ASIC2: variants seen among roughly 807,000 people sequenced by gnomAD.
ASIC2 encodes acid sensing ion channel subunit 2.
Under a neutral mutation model 57.3 loss-of-function variants are expected in ASIC2, and 25 were observed. The observed-to-expected ratio is 0.44, with a 90% CI of 0.32 to 0.61. The LOEUF (loss-of-function observed/expected upper bound fraction) is 0.61. Ranked by LOEUF, ASIC2 falls within the 20% of genes least tolerant of loss-of-function variation. ASIC2 has a pLI of 0.06. For synonymous variants in ASIC2, 319 were observed against 307.5 expected (o/e 1.04, Z -0.39); for missense variants, 641 against 738.1 (o/e 0.87, Z 1.52).
intron 8 of ASIC2, among the ~76,000 whole-genome samples, chr17:33,016,840 C>T (rs1356234352): frequency 6.6e-6 from 1 of 152,122 alleles, no homozygotes. Context: ...CAGGGGCACA[C>T]ATTGGAGGTG....
At chr17:33,839,040 C>T (rs1034742919) in intron 1 of ASIC2, among the ~76,000 whole-genome samples, 10 of 152,196 alleles carry the variant, frequency 6.6e-5, no homozygotes, top group African/African-American at 2.4e-4. Context: ...AGTGCATGCA[C>T]CACACTTTAA....
chr17:33,706,776 T>G (rs1908875205), intron 1 of ASIC2, among the ~76,000 whole-genome samples: 1 of 152,210 alleles, frequency 6.6e-6, no homozygotes, highest in African/African-American at 2.4e-5. Flanking sequence ...TGATTTTCAT[T>G]CTGCCCCCAC....
At chr17:34,046,395 T>C (rs1376706522) in intron 1 of ASIC2, among the ~76,000 whole-genome samples, 7 of 152,304 alleles carry the variant, frequency 4.6e-5, no homozygotes, top group Non-Finnish European at 8.8e-5. Context: ...GAGCTTTGGG[T>C]TGTGCAATAG....
intron 1 of ASIC2, among the ~76,000 whole-genome samples, chr17:33,956,831 T>G (rs1904749591): frequency 6.6e-6 from 1 of 152,246 alleles, no homozygotes; most frequent in South Asian, 2.1e-4. Context: ...CCCAGCTAGA[T>G]GAGCCTGCTC....
intron 1 of ASIC2, among the ~76,000 whole-genome samples, chr17:33,463,623 C>A (rs910813854): frequency 6.6e-6 from 1 of 152,214 alleles, no homozygotes; most frequent in African/African-American, 2.4e-5. Flanking sequence ...AGCCCCAGCC[C>A]TTATGGACCA....
chr17:33,801,932 G>A (rs1220216960), intron 1 of ASIC2, among the ~76,000 whole-genome samples: 1 of 152,166 alleles, frequency 6.6e-6, no homozygotes, highest in East Asian at 1.9e-4. Flanking sequence ...CTGGACGAGA[G>A]GGAGGTATGG....
intron 1 of ASIC2, among the ~76,000 whole-genome samples, chr17:33,474,536 C>T (rs2141921912): frequency 6.6e-6 from 1 of 152,310 alleles, no homozygotes; most frequent in East Asian, 1.9e-4. Context: ...CGGAAGAGAA[C>T]TGATCTTGGA....
chr17:34,024,488 C>T (rs986473324), intron 1 of ASIC2, among the ~76,000 whole-genome samples: 7 of 152,238 alleles, frequency 4.6e-5, no homozygotes, highest in South Asian at 2.1e-4. Context: ...TGGTCACTGT[C>T]GATAGCATTA....
At chr17:33,898,002 T>C (rs982912180) in intron 1 of ASIC2, among the ~76,000 whole-genome samples, 5 of 152,180 alleles carry the variant, frequency 3.3e-5, no homozygotes, top group Non-Finnish European at 5.9e-5. Context: ...GCCAGCAATA[T>C]GTCCTGGGTG....
chr17:33,207,839 C>T (rs894170714), intron 1 of ASIC2, among the ~76,000 whole-genome samples: 2 of 152,204 alleles, frequency 1.3e-5, no homozygotes, highest in Non-Finnish European at 2.9e-5. Flanking sequence ...GCATGCTCCA[C>T]CCTGGCTCCT....
At position 33,333,421 on chromosome 17, in the gene ASIC2, A is replaced by C. The variant is rs192682442; in HGVS notation, c.556-221354T>G. ...GCACCCATTCAAAATAACATCAGAG[A>C]GTTATCATAAAGAGAACTTCTTATG... On this transcript the variant is annotated intron_variant, in intron 1 of 9. Transcript: ENST00000359872. Among the ~76,000 whole-genome samples, 35 of 152,346 alleles carry C rather than the reference A, an allele frequency of 2.3e-4. No homozygotes were observed. The East Asian group carries it at 6.7e-3, about 29-fold the overall frequency.
intron 1 of ASIC2, among the ~76,000 whole-genome samples, chr17:33,233,770 T>C (rs898498389): frequency 6.6e-6 from 1 of 151,952 alleles, no homozygotes; most frequent in Non-Finnish European, 1.5e-5. Context: ...AATCCCTCGT[T>C]CTACAGAAAA....
At chr17:33,416,833 A>G (rs1995524) in intron 1 of ASIC2, among the ~76,000 whole-genome samples, 34,632 of 152,144 alleles carry the variant, frequency 0.23, 4,535 homozygotes, top group East Asian at 0.66. Flanking sequence ...AGGAAGCTCC[A>G]TGGCCCGCTC....
chr17:33,168,229 C>A (rs1256251996), intron 1 of ASIC2, among the ~76,000 whole-genome samples: 2 of 152,190 alleles, frequency 1.3e-5, no homozygotes, highest in Non-Finnish European at 2.9e-5. Flanking sequence ...ATAAATTATG[C>A]AGTCTGTGGC....
chr17:33,066,408 GA>G (rs1179822008), intron 3 of ASIC2, among the ~76,000 whole-genome samples: 1 of 152,200 alleles, frequency 6.6e-6, no homozygotes, highest in African/African-American at 2.4e-5. Flanking sequence ...TTATTCAGCA[GA>G]TGTTTAGTAG....
intron 1 of ASIC2, among the ~76,000 whole-genome samples, chr17:33,925,397 G>A (rs1489774688): frequency 6.6e-6 from 1 of 152,250 alleles, no homozygotes; most frequent in African/African-American, 2.4e-5. Context: ...TGACCATTGA[G>A]TCCCTGCTTC....
intron 1 of ASIC2, among the ~76,000 whole-genome samples, chr17:33,737,753 T>G (rs1008455383): frequency 6.6e-6 from 1 of 151,698 alleles, no homozygotes; most frequent in African/African-American, 2.4e-5. Context: ...TCCACCTGCA[T>G]ATAATATCCA....
chr17:33,117,060 C>T (rs1270868284), intron 1 of ASIC2, among the ~76,000 whole-genome samples: 1 of 152,090 alleles, frequency 6.6e-6, no homozygotes, highest in East Asian at 1.9e-4. Flanking sequence ...CACTATGTTG[C>T]CCAGGATGGT....
intron 1 of ASIC2, among the ~76,000 whole-genome samples, chr17:33,565,247 A>G (rs1916197608): frequency 6.6e-6 from 1 of 151,880 alleles, no homozygotes; most frequent in Admixed American, 6.6e-5. Context: ...GAGCCATCCA[A>G]CTCTGTCGGC....
Sources: allele counts gnomAD v4.1 joint callset (sites outside exome capture counted in the v4.1 genomes callset), GRCh38; gene constraint gnomAD v4.1.1; transcripts MANE v1.5; gene names NCBI Gene and HGNC (gene_info 2026-07-23, HGNC 2026-07-21).